The following RICTOR variants were observed in gnomAD, a reference collection of about 807,000 sequenced individuals.
RICTOR encodes the protein rapamycin-insensitive companion of mTOR.
Under a neutral mutation model 214.9 loss-of-function variants are expected in RICTOR, and 49 were observed. The ratio of observed to expected loss-of-function variants is 0.23; its 90% confidence interval spans 0.18 to 0.29. The LOEUF is 0.29. Among genes scored for constraint, RICTOR ranks in the 10% least tolerant of loss-of-function variants. The pLI is 1.00. For missense variants in RICTOR, 1,625 were observed against 2,047.0 expected (o/e 0.79, Z 3.98); for synonymous variants, 717 against 711.3 (o/e 1.01, Z -0.13).
At position 39,037,581 on chromosome 5, in the gene RICTOR, AAAG is replaced by A. The variant is rs553062172; in HGVS notation, c.98-16448_98-16446del. 5.6e-3 allele frequency among the ~76,000 whole-genome samples: 855 copies of A among 152,266 alleles called. 8 individuals carry two copies. Among genetic ancestry groups the A allele is most frequent in the African/African-American group, 0.02 (817 of 41,526 alleles). On this transcript the variant is annotated intron_variant, in intron 2 of 37. Transcript: ENST00000357387. ...TTGATAGAACGCTAGCAAGACTAAT[AAAG>A]AAGAAAAGAGAGAAGAATCAAATAG...
chr5:38,951,307 C>T (rs1270208238), intron 30 of RICTOR, among the ~76,000 whole-genome samples: 2 of 151,962 alleles, frequency 1.3e-5, no homozygotes, highest in Admixed American at 6.6e-5. Context: ...GACATCTATA[C>T]GATTTTTCTT....
chr5:39,025,285 C>G (rs1052313707), intron 2 of RICTOR, among the ~76,000 whole-genome samples: 9 of 152,180 alleles, frequency 5.9e-5, no homozygotes, highest in Admixed American at 5.9e-4. Flanking sequence ...TGGTACAATG[C>G]TGCTGAGGAA....
chr5:39,027,013 A>T (rs1329374951), intron 2 of RICTOR, among the ~76,000 whole-genome samples: 3 of 152,156 alleles, frequency 2.0e-5, no homozygotes, highest in African/African-American at 7.2e-5. Flanking sequence ...CATCTCAAAA[A>T]AATAAAAAAT....
chr5:38,992,933 T>C (rs962939183), intron 6 of RICTOR, among the ~76,000 whole-genome samples: 6 of 152,188 alleles, frequency 3.9e-5, no homozygotes, highest in African/African-American at 1.4e-4. Context: ...AGAGAAGCAC[T>C]GAGTTACCTA....
Position 38,975,549 on chromosome 5 carries a change from G to T in RICTOR, c.877C>A (p.Arg293=), listed in dbSNP as rs574846919. The change falls in exon 10 of 38, where the codon CGA becomes AGA. Residue 293 remains arginine (R), a synonymous_variant. Transcript: ENST00000357387. ...ASKMGIIATF[R]SWAGIINLCK... ...TAGAGTAACCTACCTGCCCATGATCGGAATGTTGCTATGATTCCCATTTTA... is the reference window on the plus strand; with the variant it reads ...TAGAGTAACCTACCTGCCCATGATCTGAATGTTGCTATGATTCCCATTTTA... 3 of 1,612,804 alleles carry T rather than the reference G, an allele frequency of 1.9e-6. No homozygotes were observed. In the African/African-American group the frequency reaches 4.0e-5, roughly 22 times the overall value.
intron 2 of RICTOR, among the ~76,000 whole-genome samples, chr5:39,026,156 T>A (rs1204750643): frequency 6.6e-6 from 1 of 152,094 alleles, no homozygotes; most frequent in Admixed American, 6.6e-5. Flanking sequence ...GCCTTAAAGT[T>A]TAGAAAACCA....
chr5:39,074,277 C>G, intron 1 of RICTOR, 52 bp downstream of exon 1: 1 of 1,571,254 alleles, frequency 6.4e-7, no homozygotes, highest in Non-Finnish European at 8.6e-7. Flanking sequence ...AAGGCAAGTG[C>G]CAGGGGTGGC....
chr5:38,991,766 G>C (rs1580028259), intron 6 of RICTOR, among the ~76,000 whole-genome samples: 1 of 152,074 alleles, frequency 6.6e-6, no homozygotes, highest in Non-Finnish European at 1.5e-5. Context: ...GTAACATTTG[G>C]AATATTGAAA....
chr5:38,975,733 G>GGCGCCC, intron 9 of RICTOR, 129 bp from the exon 10 acceptor site: 1 of 680,446 alleles, frequency 1.5e-6, no homozygotes, highest in South Asian at 1.8e-5. Flanking sequence ...ATTAAAACAA[G>GGCGCCC]ACAAAGATCA....
intron 2 of RICTOR, among the ~76,000 whole-genome samples, chr5:39,043,003 T>C (rs552520212): frequency 6.6e-6 from 1 of 152,294 alleles, no homozygotes; most frequent in African/African-American, 2.4e-5. Context: ...GGAATTCATA[T>C]ACTGTTGGTG....
intron 5 of RICTOR, among the ~76,000 whole-genome samples, chr5:38,998,787 G>C (rs1753366744): frequency 6.6e-6 from 1 of 152,068 alleles, no homozygotes; most frequent in African/African-American, 2.4e-5. Flanking sequence ...GGCAGAGGCA[G>C]GCGGATTGCT....
At chr5:38,980,695 A>G (rs888507810) in intron 8 of RICTOR, among the ~76,000 whole-genome samples, 1 of 152,056 alleles carries the variant, frequency 6.6e-6, no homozygotes, top group Non-Finnish European at 1.5e-5. Flanking sequence ...AAAATACAAA[A>G]ATTAGCCAGG....
intron 2 of RICTOR, among the ~76,000 whole-genome samples, chr5:39,063,746 A>G (rs1758705357): frequency 6.6e-6 from 1 of 152,122 alleles, no homozygotes; most frequent in African/African-American, 2.4e-5. Context: ...ATGTGATCAT[A>G]TAATATATAT....
At chr5:38,962,166 A>G (rs1367319447) in intron 19 of RICTOR, 149 bp downstream of exon 19, 2 of 255,428 alleles carry the variant, frequency 7.8e-6, no homozygotes, top group Non-Finnish European at 6.7e-6. Context: ...AAATAAGACT[A>G]TATTAAAAAT....
chr5:38,952,089 T>C, intron 30 of RICTOR, 107 bp downstream of exon 30: 1 of 679,252 alleles, frequency 1.5e-6, no homozygotes, highest in Non-Finnish European at 2.6e-6. Context: ...CAAATAATTA[T>C]CTTAGACAAA....
intron 3 of RICTOR, among the ~76,000 whole-genome samples, chr5:39,014,662 T>G (rs1296758211): frequency 6.6e-6 from 1 of 152,176 alleles, no homozygotes; most frequent in Non-Finnish European, 1.5e-5. Context: ...GAGCATGTTG[T>G]CAGTTATAAA....
rs146754529 is a variant in RICTOR, at chr5:38,962,336, T to C, written c.1694A>G (p.Tyr565Cys). ...LKWPNVNLRN[Y>C]KDEQLHRFVR... ...ATACCTGTGTAACTGTTCATCTTTA[T>C]AGTTTCTTAGATTTACATTTGGCCA... The change falls in exon 19 of 38, where the codon TAT (tyrosine) becomes TGT (cysteine). Residue 565 changes from tyrosine to cysteine, a missense_variant. By Grantham distance (194) the Tyr-to-Cys change is radical (BLOSUM62 -2). Around this residue, in one of 5 missense-constraint regions of RICTOR, gnomAD observed 1,214 missense variants for 1,470.5 expected, o/e 0.83. Coordinates refer to ENST00000357387, the MANE Select transcript of RICTOR (RefSeq NM_152756.5). The C allele has an allele frequency of 8.8e-4, 1,267 of 1,432,328 alleles. 3 individuals are homozygous for C. Among genetic ancestry groups the C allele is most frequent in the Admixed American group, 3.0e-3 (164 of 54,096 alleles). The allele number at this position is 1,432,328 out of a possible 1,614,324, so 88.7% of individuals were successfully genotyped here.
intron 2 of RICTOR, among the ~76,000 whole-genome samples, chr5:39,046,376 TA>T (rs529193857): frequency 0.011 from 1,389 of 126,898 alleles, 20 homozygotes; most frequent in African/African-American, 0.03. Context: ...AAAACAAAAT[TA>T]AAAAAAAAAA....
chr5:39,035,216 T>A (rs1215494310), intron 2 of RICTOR, among the ~76,000 whole-genome samples: 4 of 152,202 alleles, frequency 2.6e-5, no homozygotes, highest in African/African-American at 9.6e-5. Context: ...AAACAGGGTC[T>A]GGAGTGGACC....
Sources: allele counts gnomAD v4.1 joint callset (sites outside exome capture counted in the v4.1 genomes callset), GRCh38; gene constraint gnomAD v4.1.1; regional missense constraint gnomAD v4.1.1; transcripts MANE v1.5; gene names NCBI Gene and HGNC (gene_info 2026-07-23, HGNC 2026-07-21).